The following CEMIP variants were observed in gnomAD, a reference collection of about 807,000 sequenced individuals.
CEMIP encodes cell migration inducing hyaluronidase 1.
A neutral mutation model predicts 156.9 loss-of-function variants in CEMIP; 105 were observed. The ratio of observed to expected loss-of-function variants is 0.67; its 90% CI spans 0.57 to 0.79. The LOEUF is 0.79. CEMIP is among the 30% of genes least tolerant of loss of function. The pLI is 0.00. For synonymous variants in CEMIP, 676 were observed against 668.4 expected (o/e 1.01, Z -0.17); for missense variants, 1,457 against 1,769.4 (o/e 0.82, Z 3.17).
intron 1 of CEMIP, among the ~76,000 whole-genome samples, chr15:80,823,219 CT>C (rs911929678): frequency 3.9e-5 from 6 of 152,150 alleles, no homozygotes; most frequent in African/African-American, 1.4e-4. Context: ...GAGTCTCGGC[CT>C]GTGTGGTTTT....
intron 29 of CEMIP, chr15:80,947,297 G>T: frequency 2.0e-6 from 1 of 509,328 alleles, no homozygotes; most frequent in Non-Finnish European, 3.6e-6. Context: ...ACCAGCCACT[G>T]AAAGAAAATT....
At chr15:80,850,642 C>T (rs1454246516) in intron 1 of CEMIP, among the ~76,000 whole-genome samples, 1 of 152,112 alleles carries the variant, frequency 6.6e-6, no homozygotes, top group Admixed American at 6.5e-5. Context: ...GCCATGTTGT[C>T]AGGGACTTGG....
intron 17 of CEMIP, among the ~76,000 whole-genome samples, 171 bp from the exon 18 acceptor site, chr15:80,924,450 A>C (rs1900581261): frequency 6.6e-6 from 1 of 152,182 alleles, no homozygotes. Flanking sequence ...ATGCAGAATA[A>C]GGCAGCATCT....
rs78659354 is a variant in CEMIP at position 80,831,669 on chromosome 15, C to A, written c.-175-41869C>A. On this transcript the variant is annotated intron_variant, in intron 1 of 29. Coordinates refer to ENST00000394685, the MANE Select transcript of CEMIP (RefSeq NM_001293298.2). ...AGCATTCCAGATGACTCCAAAGCCC[C>A]GGCTGGAGTATCCAGGTTCCAACTG... Among the ~76,000 whole-genome samples, 1,144 of 152,264 alleles carry A rather than the reference C, an allele frequency of 7.5e-3. 16 individuals are homozygous for A. Among genetic ancestry groups the A allele is most frequent in the African/African-American group, 0.026 (1,063 of 41,538 alleles).
At chr15:80,864,280 C>T (rs1898062924) in intron 1 of CEMIP, among the ~76,000 whole-genome samples, 1 of 152,340 alleles carries the variant, frequency 6.6e-6, no homozygotes, top group East Asian at 1.9e-4. Context: ...AGGTCATAAA[C>T]ATATTGCCTG....
intron 3 of CEMIP, among the ~76,000 whole-genome samples, chr15:80,875,716 T>C (rs1273108594): frequency 6.6e-6 from 1 of 152,246 alleles, no homozygotes; most frequent in Non-Finnish European, 1.5e-5. Flanking sequence ...ATCCCGCTTC[T>C]GGTGGCCCCT....
chr15:80,786,745 C>T (rs974265917), intron 1 of CEMIP, among the ~76,000 whole-genome samples: 1 of 152,112 alleles, frequency 6.6e-6, no homozygotes, highest in Non-Finnish European at 1.5e-5. Flanking sequence ...GAAACTCCAA[C>T]CTGTAGCTGA....
At position 80,933,468 on chromosome 15, in the gene CEMIP, C is replaced by T. The variant is rs1901003317; in HGVS notation, c.3009+8C>T. The T allele has an allele frequency of 2.5e-6, 4 of 1,610,822 alleles. No homozygotes were observed. Among genetic ancestry groups the T allele is most frequent in the African/African-American group, 1.3e-5 (1 of 74,872 alleles). On this transcript the variant is annotated splice_region_variant and intron_variant, in intron 23 of 29. Coordinates refer to ENST00000394685, the MANE Select transcript of CEMIP (RefSeq NM_001293298.2). Reference sequence around the variant, plus strand: ...AGTGGGTGCTATGCACAGGTGGGGACACCATTCTGGGGGCCGGCCACTCAC... The same window carrying T: ...AGTGGGTGCTATGCACAGGTGGGGATACCATTCTGGGGGCCGGCCACTCAC...
intron 1 of CEMIP, among the ~76,000 whole-genome samples, chr15:80,828,451 C>T (rs1425955424): frequency 7.9e-5 from 12 of 152,038 alleles, no homozygotes; most frequent in Non-Finnish European, 1.5e-5. Flanking sequence ...CTGGTCCAAA[C>T]ATCCCATTGT....
At chr15:80,799,760 T>A (rs1198078991) in intron 1 of CEMIP, among the ~76,000 whole-genome samples, 1 of 152,190 alleles carries the variant, frequency 6.6e-6, no homozygotes, top group Non-Finnish European at 1.5e-5. Context: ...AAATCCTGTC[T>A]TTTGCAGCAA....
At chr15:80,922,161 C>T (rs1421665124) in intron 17 of CEMIP, 24 bp downstream of exon 17, 2 of 1,613,808 alleles carry the variant, frequency 1.2e-6, no homozygotes, top group Admixed American at 3.3e-5. Context: ...GGCTGCGCCT[C>T]TCTGGCCAGC....
intron 1 of CEMIP, among the ~76,000 whole-genome samples, chr15:80,852,954 A>G (rs1372859991): frequency 6.6e-6 from 1 of 152,204 alleles, no homozygotes; most frequent in Non-Finnish European, 1.5e-5. Context: ...TACCATCATC[A>G]TGAGTCCTTC....
intron 1 of CEMIP, among the ~76,000 whole-genome samples, chr15:80,818,902 G>A (rs1896850371): frequency 6.6e-6 from 1 of 152,202 alleles, no homozygotes. Flanking sequence ...CTGTTGAAAG[G>A]ATTTGCCTAC....
In CEMIP at chr15:80,909,253, A is replaced by G. The variant is rs947091180; in HGVS notation, c.1744A>G (p.Ile582Val). ...ACCCACATACATCAGGGACCTCTCC[A>G]TCCATCATACATTCTCTCGCTGCGT... ...DPPTYIRDLS[I>V]HHTFSRCVTV... The change falls in exon 14 of 30, where the codon ATC (isoleucine) becomes GTC (valine). Residue 582 changes from isoleucine to valine, a missense_variant. Around this residue, in one of 5 missense-constraint regions of CEMIP, gnomAD observed 53 missense variants for 104.5 expected, o/e 0.51. Coordinates refer to ENST00000394685, the MANE Select transcript of CEMIP (RefSeq NM_001293298.2). 1 of 1,613,980 alleles carries G rather than the reference A, an allele frequency of 6.2e-7. No individual in the cohort carries two copies. Among genetic ancestry groups the G allele is most frequent in the African/African-American group, 1.3e-5 (1 of 74,870 alleles).
chr15:80,927,224 T>A (rs1029591215), intron 19 of CEMIP, among the ~76,000 whole-genome samples: 1 of 152,056 alleles, frequency 6.6e-6, no homozygotes, highest in African/African-American at 2.4e-5. Context: ...CTGAAGGGCA[T>A]TTAGGGGAAG....
intron 1 of CEMIP, among the ~76,000 whole-genome samples, chr15:80,866,567 G>A (rs2141784310): frequency 6.6e-6 from 1 of 150,616 alleles, no homozygotes; most frequent in Non-Finnish European, 1.5e-5. Flanking sequence ...CTCCAGCCTA[G>A]GTGACAGAGT....
intron 28 of CEMIP, among the ~76,000 whole-genome samples, chr15:80,944,663 C>T (rs116895976): frequency 1.3e-3 from 205 of 152,294 alleles, no homozygotes; most frequent in Admixed American, 2.4e-3. Flanking sequence ...CTCATTCCCC[C>T]ATCAGATGCT....
At position 80,881,097 on chromosome 15, in the gene CEMIP, T is replaced by C; in HGVS notation, c.578T>C (p.Val193Ala). The change falls in exon 6 of 30, where the codon GTC becomes GCC. Residue 193 changes from valine to alanine, a missense_variant. Val to Ala is a moderately conservative substitution (Grantham distance 64, BLOSUM62 0). Transcript: ENST00000394685. ...GGCCACCGTGGAGTTATTGTTCATG[T>C]CATCGACCCCAAATCAGGCACAGTC... ...SWGHRGVIVH[V>A]IDPKSGTVIH... The C allele has an allele frequency of 1.9e-6, 3 of 1,614,226 alleles. No homozygotes were observed. Among genetic ancestry groups the C allele is most frequent in the Non-Finnish European group, 2.5e-6 (3 of 1,180,038 alleles).
chr15:80,864,833 C>T (rs1178673971), intron 1 of CEMIP, among the ~76,000 whole-genome samples: 1 of 152,204 alleles, frequency 6.6e-6, no homozygotes, highest in Non-Finnish European at 1.5e-5. Context: ...TCAGAATCAC[C>T]TGGAGGATTT....
Sources: gnomAD v4.1 joint callset for allele counts (sites outside exome capture counted in the v4.1 genomes callset) on GRCh38, gnomAD v4.1.1 for gene constraint, gnomAD v4.1.1 regional missense constraint, MANE v1.5 for transcripts, NCBI Gene and HGNC (gene_info 2026-07-23, HGNC 2026-07-21) for gene names.